The following NDUFAF2 variants were observed in gnomAD, a reference collection of about 807,000 sequenced individuals.
NDUFAF2 encodes NADH dehydrogenase [ubiquinone] 1 alpha subcomplex assembly factor 2.
NDUFAF2 carries 13 observed loss-of-function variants against 22.8 expected under a neutral mutation model. That is an observed-to-expected ratio of 0.57 (90% CI 0.37 to 0.91). The LOEUF (loss-of-function observed/expected upper bound fraction) is 0.91, where lower values mean the gene tolerates loss of function less well. NDUFAF2 is among the 40% of genes least tolerant of loss of function. NDUFAF2 has a pLI of 0.01. For missense variants in NDUFAF2, 162 were observed against 195.2 expected, an observed-to-expected ratio of 0.83 and a Z score of 1.01; for synonymous variants, 53 against 64.2, an observed-to-expected ratio of 0.83 and a Z score of 0.84.
chr5:60,992,840 A>G (rs2112586140), intron 1 of NDUFAF2, among the ~76,000 whole-genome samples: 1 of 152,276 alleles, frequency 6.6e-6, no homozygotes, highest in Non-Finnish European at 1.5e-5. Context: ...TAAATATATC[A>G]GGCCACTCTC....
chr5:60,964,112 T>C (rs1750724413), intron 1 of NDUFAF2, among the ~76,000 whole-genome samples: 2 of 152,146 alleles, frequency 1.3e-5, no homozygotes, highest in African/African-American at 2.4e-5. Context: ...AGGGAGATCA[T>C]TTAAGAGGCT....
At chr5:60,969,791 T>C (rs532007591) in intron 1 of NDUFAF2, among the ~76,000 whole-genome samples, 103 of 152,252 alleles carry the variant, frequency 6.8e-4, no homozygotes, top group Non-Finnish European at 1.3e-3. Context: ...ACTCAAGAAA[T>C]CTTTCCAAGA....
chr5:61,039,415 A>G (rs1334288651), intron 1 of NDUFAF2, among the ~76,000 whole-genome samples: 1 of 152,192 alleles, frequency 6.6e-6, no homozygotes. Context: ...ACTGGAAACC[A>G]TGAATGCTAT....
At chr5:60,973,444 GA>G (rs1750862493) in intron 1 of NDUFAF2, among the ~76,000 whole-genome samples, 1 of 151,800 alleles carries the variant, frequency 6.6e-6, no homozygotes. Context: ...TTCACAAAGG[GA>G]AAAAAATATA....
chr5:61,049,895 A>ACACACC (rs1554081287), intron 1 of NDUFAF2, among the ~76,000 whole-genome samples: 1 of 150,292 alleles, frequency 6.7e-6, no homozygotes, highest in Non-Finnish European at 1.5e-5. Flanking sequence ...ATACACACAC[A>ACACACC]CACACACACA....
intron 1 of NDUFAF2, among the ~76,000 whole-genome samples, chr5:60,986,566 C>T (rs1751080979): frequency 6.6e-6 from 1 of 151,952 alleles, no homozygotes; most frequent in Admixed American, 6.6e-5. Flanking sequence ...CAGGTAAGGG[C>T]AAACCAACCT....
chr5:61,014,524 T>C (rs1365159285), intron 1 of NDUFAF2, among the ~76,000 whole-genome samples: 2 of 152,150 alleles, frequency 1.3e-5, no homozygotes, highest in Non-Finnish European at 2.9e-5. Flanking sequence ...GAGGGAGTCC[T>C]GGGAACCCCT....
intron 1 of NDUFAF2, among the ~76,000 whole-genome samples, chr5:60,994,972 T>G (rs1218918553): frequency 6.6e-6 from 1 of 152,174 alleles, no homozygotes; most frequent in Non-Finnish European, 1.5e-5. Context: ...TCAGTTCTGC[T>G]GTCAAGGGAC....
rs557419327 is a variant in NDUFAF2 at position 61,124,645 on chromosome 5, C to T, written c.258+25613C>T. 5.3e-5 allele frequency among the ~76,000 whole-genome samples: 8 copies of T among 152,154 alleles called. No homozygotes were observed. In the South Asian group the frequency reaches 1.5e-3, roughly 28 times the overall value. ...AATTAAAAATTTAGTTTCTTGGTCA[C>T]CCTACCACATTGAAATGTTCAGTAG... On this transcript the variant is annotated intron_variant, in intron 3 of 3. Transcript: ENST00000296597.
intron 1 of NDUFAF2, among the ~76,000 whole-genome samples, chr5:60,986,793 G>A (rs541605696): frequency 8.6e-5 from 13 of 151,992 alleles, no homozygotes; most frequent in East Asian, 3.9e-4. Context: ...TAAGCCAGGC[G>A]TGGTGGCGGG....
chr5:60,947,145 G>A (rs1409921268), intron 1 of NDUFAF2, among the ~76,000 whole-genome samples: 1 of 152,132 alleles, frequency 6.6e-6, no homozygotes, highest in African/African-American at 2.4e-5. Context: ...CTAGTAGTGG[G>A]ATTACTAAGT....
At chr5:61,141,550 T>C (rs2111826231) in intron 3 of NDUFAF2, among the ~76,000 whole-genome samples, 1 of 152,276 alleles carries the variant, frequency 6.6e-6, no homozygotes, top group Admixed American at 6.5e-5. Context: ...CTCTTCCCTA[T>C]GGTACCTCCT....
intron 1 of NDUFAF2, among the ~76,000 whole-genome samples, chr5:61,059,613 A>C (rs1349953257): frequency 1.3e-5 from 2 of 152,112 alleles, no homozygotes; most frequent in African/African-American, 4.8e-5. Flanking sequence ...GCATTTCAGA[A>C]TAACCAAGCA....
chr5:61,120,636 T>A (rs191987906), intron 3 of NDUFAF2, among the ~76,000 whole-genome samples: 15 of 152,270 alleles, frequency 9.9e-5, no homozygotes, highest in African/African-American at 3.6e-4. Context: ...TATGAATTAT[T>A]TTTAGATATA....
At chr5:61,056,084 A>G (rs962905182) in intron 1 of NDUFAF2, among the ~76,000 whole-genome samples, 1 of 152,226 alleles carries the variant, frequency 6.6e-6, no homozygotes, top group Non-Finnish European at 1.5e-5. Flanking sequence ...CTGGAAGCTT[A>G]TAAGAAAGTA....
chr5:61,062,112 C>G lies in NDUFAF2; in HGVS notation c.128-11013C>G, dbSNP rs139035055. Among the ~76,000 whole-genome samples the G allele has an allele frequency of 3.8e-3, 579 of 152,206 alleles. 1 individual carries two copies. The highest frequency in any genetic ancestry group is 0.024 in the Middle Eastern group (7 of 294). ...AGTTTGGAAGAGGTGACTGTACCAG[C>G]AGATGTGCAGATATATCAACACAGA... On this transcript the variant is annotated intron_variant, in intron 1 of 3. Coordinates refer to ENST00000296597, the MANE Select transcript of NDUFAF2 (RefSeq NM_174889.5).
At chr5:61,080,885 C>A (rs1157547496) in intron 2 of NDUFAF2, among the ~76,000 whole-genome samples, 1 of 151,532 alleles carries the variant, frequency 6.6e-6, no homozygotes, top group Non-Finnish European at 1.5e-5. Flanking sequence ...TCATTTTTTT[C>A]TTTTATATAT....
chr5:61,130,715 A>G (rs1396529459), intron 3 of NDUFAF2, among the ~76,000 whole-genome samples: 1 of 152,154 alleles, frequency 6.6e-6, no homozygotes. Flanking sequence ...TCCAGGGAAA[A>G]CTAGCAGTAG....
chr5:61,118,824 G>T (rs1289046939), intron 3 of NDUFAF2, among the ~76,000 whole-genome samples: 1 of 152,122 alleles, frequency 6.6e-6, no homozygotes. Context: ...TATTGTAAAA[G>T]TATGAAAACA....
Sources: gnomAD v4.1 joint callset for allele counts (sites outside exome capture counted in the v4.1 genomes callset) on GRCh38, gnomAD v4.1.1 for gene constraint, MANE v1.5 for transcripts, NCBI Gene and HGNC (gene_info 2026-07-23, HGNC 2026-07-21) for gene names.